The following HSPG2 variants were observed in gnomAD, a reference collection of about 807,000 sequenced individuals.
The protein encoded by HSPG2 is heparan sulfate proteoglycan 2.
Under a neutral mutation model 526.6 loss-of-function variants are expected in HSPG2, and 278 were observed. That is an observed-to-expected ratio of 0.53 (90% confidence interval 0.48 to 0.58). The LOEUF is 0.58. Among genes scored for constraint, HSPG2 ranks in the 20% least tolerant of loss-of-function variants. The probability of loss-of-function intolerance (pLI) is 0.00; values close to 1 mark genes in which losing one functional copy is unlikely to be tolerated. For missense variants in HSPG2, 5,354 were observed against 6,099.5 expected (o/e 0.88, Z 4.07); for synonymous variants, 2,465 against 2,555.4 (o/e 0.96, Z 1.07).
Position 21,904,770 on chromosome 1 carries a change from C to T in HSPG2, c.64-8460G>A, listed in dbSNP as rs865778389. Among the ~76,000 whole-genome samples, 54 of 152,312 alleles carry T rather than the reference C, an allele frequency of 3.5e-4. No homozygotes were observed. Among genetic ancestry groups the T allele is most frequent in the African/African-American group, 1.1e-3 (44 of 41,562 alleles). ...GTCGAACACTATCTGCCAGGCACCA[C>T]GGCTGCCGGCAACACCTGCAGCGTT... On this transcript the variant is annotated intron_variant, in intron 1 of 96. Transcript: ENST00000374695. This position sits in a 1 kb window ranked among gnomAD's most constrained non-coding sequence, Gnocchi z 4.4.
chr1:21,926,173 T>A (rs1373162387), intron 1 of HSPG2, among the ~76,000 whole-genome samples: 1 of 152,168 alleles, frequency 6.6e-6, no homozygotes, highest in African/African-American at 2.4e-5. Flanking sequence ...AATGGAGATA[T>A]AATGCCAACT....
intron 1 of HSPG2, among the ~76,000 whole-genome samples, chr1:21,927,613 G>C (rs1644239567): frequency 6.6e-6 from 1 of 152,088 alleles, no homozygotes; most frequent in Admixed American, 6.5e-5. Flanking sequence ...ACCTCCTGTT[G>C]CTCAGAGCCC....
chr1:21,862,363 C>G (rs550442810), intron 37 of HSPG2, among the ~76,000 whole-genome samples: 1 of 152,178 alleles, frequency 6.6e-6, no homozygotes, highest in South Asian at 2.1e-4. Flanking sequence ...GCGGGTGGAT[C>G]ACCTGAGGTC....
At position 21,897,798 on chromosome 1, in the gene HSPG2, G is replaced by T. The variant is rs772341794; in HGVS notation, c.64-1488C>A. On this transcript the variant is annotated intron_variant, in intron 1 of 96. Coordinates refer to ENST00000374695, the MANE Select transcript of HSPG2 (RefSeq NM_005529.7). The stretch of plus-strand genomic sequence containing the variant: ...GGGGCACAAGAGACACTTCTGGGGT[G>T]ATGGTTCCCTGGGCATACATATCTC... 5.3e-5 allele frequency among the ~76,000 whole-genome samples: 8 copies of T among 152,298 alleles called. No individual in the cohort carries two copies. In the South Asian group the frequency reaches 8.3e-4, roughly 16 times the overall value.
rs1642521598 is a variant in HSPG2 at position 21,893,592 on chromosome 1, G to A, written c.244+2330C>T. Among the ~76,000 whole-genome samples, 1 of 152,088 alleles carries A rather than the reference G, an allele frequency of 6.6e-6. No homozygotes were observed. Among genetic ancestry groups the A allele is most frequent in the African/African-American group, 2.4e-5 (1 of 41,410 alleles). On this transcript the variant is annotated intron_variant, in intron 3 of 96. Transcript: ENST00000374695. The surrounding 1 kb of genome is among the most constrained non-coding windows in gnomAD (Gnocchi z 4.3). Reference sequence around the variant, plus strand: ...GGCCAGGGCCTGGGTCACTTACTGAGAGGGGACTCCTCATCAGGCTCCGAG... The same window carrying A: ...GGCCAGGGCCTGGGTCACTTACTGAAAGGGGACTCCTCATCAGGCTCCGAG...
chr1:21,859,703 T>C lies in HSPG2; in HGVS notation c.5183-27A>G. ...TGGTGGGGAGGAGACAAGAGCTTGT[T>C]GGTGCAGATACACTCTTTCTCACAT... On this transcript the variant is annotated intron_variant, in intron 41 of 96. Coordinates refer to ENST00000374695, the MANE Select transcript of HSPG2 (RefSeq NM_005529.7). The surrounding 1 kb of genome is among the most constrained non-coding windows in gnomAD (Gnocchi z 5.3). 3 of 1,592,478 alleles carry C rather than the reference T, an allele frequency of 1.9e-6. No individual in the cohort carries two copies. Among genetic ancestry groups the C allele is most frequent in the Non-Finnish European group, 2.6e-6 (3 of 1,168,472 alleles).
At position 21,890,288 on chromosome 1, in the gene HSPG2, G is replaced by A. The variant is rs78559266; in HGVS notation, c.413+139C>T. On this transcript the variant is annotated intron_variant, in intron 5 of 96. Coordinates refer to ENST00000374695, the MANE Select transcript of HSPG2 (RefSeq NM_005529.7). This position sits in a 1 kb window ranked among gnomAD's most constrained non-coding sequence, Gnocchi z 4.1. ...CAACTAAAGGTCCCAATGATCCCCC[G>A]ACCAATTCCTGAATTTCCACCCACA... 3.4e-4 allele frequency: 427 copies of A among 1,264,588 alleles called. No individual in the cohort carries two copies. The African/African-American group carries it at 5.3e-3, about 16-fold the overall frequency. 78.3% of individuals were successfully genotyped at this position (1,264,588 alleles called of 1,614,324 possible).
At chr1:21,928,914 CT>C (rs1419018983) in intron 1 of HSPG2, among the ~76,000 whole-genome samples, 5 of 151,998 alleles carry the variant, frequency 3.3e-5, no homozygotes, top group African/African-American at 4.8e-5. Context: ...CCATGCTTAG[CT>C]GATTTTTTTA....
chr1:21,908,636 G>A, intron 1 of HSPG2: 2 of 615,460 alleles, frequency 3.2e-6, no homozygotes, highest in Non-Finnish European at 2.9e-6. Context: ...AAAAGTGTTT[G>A]CTGTGATTAT....
intron 18 of HSPG2, 110 bp downstream of exon 18, chr1:21,878,884 T>C (rs1641296739): frequency 1.4e-6 from 2 of 1,387,428 alleles, no homozygotes; most frequent in Non-Finnish European, 2.0e-6. Context: ...GATAACTTAG[T>C]GATCAGGTAG....
At position 21,850,186 on chromosome 1, in the gene HSPG2, C is replaced by A; in HGVS notation, c.7301G>T (p.Gly2434Val). The A allele has an allele frequency of 6.2e-7, 1 of 1,613,362 alleles. No individual in the cohort carries two copies. The highest frequency in any genetic ancestry group is 8.5e-7 in the Non-Finnish European group (1 of 1,180,050). The stretch of plus-strand genomic sequence containing the variant: ...CTCGATCCGGACCGTGGGGGTGACC[C>A]CAAGTGCTGGGGACAGAGGGCAAAG... The part of the protein sequence containing the change: ...IEPAGSVPAL[G>V]VTPTVRIESS... Residue 2434 changes from glycine to valine, a missense_variant, in exon 57 of 97, where the codon GGG becomes GTG. Physicochemically the swap from Gly to Val is moderately radical, Grantham distance 109 (BLOSUM62 -3). Coordinates refer to ENST00000374695, the MANE Select transcript of HSPG2 (RefSeq NM_005529.7).
chr1:21,887,131 G>GAA lies in HSPG2; in HGVS notation c.1078+83_1078+84insTT. Reference sequence around the variant, plus strand: ...GGGGGAAAGCGGAGGGGCAGGGTAGGGGCGGGGCAGGAGTGGAAGGCGGGG... The same window carrying GAA: ...GGGGGAAAGCGGAGGGGCAGGGTAGGAAGGCGGGGCAGGAGTGGAAGGCGGGG... On this transcript the variant is annotated intron_variant, in intron 9 of 96. Coordinates refer to ENST00000374695, the MANE Select transcript of HSPG2 (RefSeq NM_005529.7). The surrounding 1 kb of genome is among the most constrained non-coding windows in gnomAD (Gnocchi z 5.0). 7.0e-7 allele frequency: 1 copy of GAA among 1,429,942 alleles called. No individual in the cohort carries two copies. The highest frequency in any genetic ancestry group is 9.6e-7 in the Non-Finnish European group (1 of 1,040,996). The allele number at this position is 1,429,942 out of a possible 1,614,324, so 88.6% of individuals were successfully genotyped here.
In HSPG2 at chr1:21,887,310, TTGGGCTCACA is replaced by T; in HGVS notation, c.973_982del (p.Cys325ThrfsTer82). The T allele has an allele frequency of 1.2e-6, 2 of 1,614,038 alleles. No individual in the cohort carries two copies. Among genetic ancestry groups the T allele is most frequent in the Non-Finnish European group, 1.7e-6 (2 of 1,179,948 alleles). Reference sequence around the variant, plus strand: ...ATGTCCATTCCCGCAGGGGAACTCGTTGGGCTCACAGGGTGGCGGGGGGCCTAGGAGACCG... The same window carrying T: ...ATGTCCATTCCCGCAGGGGAACTCGTGGGTGGCGGGGGGCCTAGGAGACCG... On this transcript the variant is annotated frameshift_variant, in exon 9 of 97. Coordinates refer to ENST00000374695, the MANE Select transcript of HSPG2 (RefSeq NM_005529.7). LOFTEE classifies it high-confidence loss of function. The surrounding 1 kb of genome is among the most constrained non-coding windows in gnomAD (Gnocchi z 5.0).
At chr1:21,843,587 G>T (rs2098058580) in intron 65 of HSPG2, 149 bp from the exon 66 acceptor site, 4 of 763,822 alleles carry the variant, frequency 5.2e-6, no homozygotes, top group Non-Finnish European at 6.2e-6. Context: ...ATTGTGGAGG[G>T]CATGTTTATT....
chr1:21,830,103 A>G lies in HSPG2; in HGVS notation c.11672-12T>C. ...GGGCCCACAGGCCTCTGGGGGGCACATAGGCCAGTGAAAAGACACGGAGGT... is the reference window on the plus strand; with the variant it reads ...GGGCCCACAGGCCTCTGGGGGGCACGTAGGCCAGTGAAAAGACACGGAGGT... On this transcript the variant is annotated splice_polypyrimidine_tract_variant and intron_variant, in intron 85 of 96. Coordinates refer to ENST00000374695, the MANE Select transcript of HSPG2 (RefSeq NM_005529.7). The G allele has an allele frequency of 3.2e-6, 5 of 1,582,810 alleles. No individual in the cohort carries two copies. Among genetic ancestry groups the G allele is most frequent in the Non-Finnish European group, 4.3e-6 (5 of 1,165,874 alleles).
rs771878584 is a variant in HSPG2, at chr1:21,849,026, A to T, written c.7452T>A (p.His2484Gln). 4.3e-6 allele frequency: 7 copies of T among 1,613,752 alleles called. No individual in the cohort carries two copies. The African/African-American group carries it at 8.0e-5, about 18-fold the overall frequency. The change falls in exon 58 of 97, where the codon CAT (histidine) becomes CAA (glutamine). Residue 2484 changes from histidine (H) to glutamine (Q), a missense_variant. Physicochemically the swap from His to Gln is conservative, Grantham distance 24. Coordinates refer to ENST00000374695, the MANE Select transcript of HSPG2 (RefSeq NM_005529.7). ...GGSLPARHQV[H>Q]GSRLRLLQVT... ...CCTGGAGCAGGCGTAGCCTCGAGCC[A>T]TGCACCTGGGAGGGTCAGGAGGGAG...
chr1:21,843,052 T>C, intron 66 of HSPG2, 131 bp from the exon 67 acceptor site: 1 of 1,116,676 alleles, frequency 9.0e-7, no homozygotes, highest in Admixed American at 2.1e-5. Context: ...TGATATAACC[T>C]AAGAAGGGTC....
At position 21,823,642 on chromosome 1, in the gene HSPG2, A is replaced by C; in HGVS notation, c.12977T>G (p.Val4326Gly). Residue 4326 changes from valine to glycine, a missense_variant, in exon 96 of 97, where the codon GTC (valine) becomes GGC (glycine). Transcript: ENST00000374695. ...GATGTAGACGCTGCCCTTGGCGTTG[A>C]CTGCCACGTTGGGACCTGGGGACCG... ...SGRSPGPNVA[V>G]NAKGSVYIGG... is the part of the protein sequence containing the mutation. 6.2e-7 allele frequency: 1 copy of C among 1,613,800 alleles called. No individual in the cohort carries two copies. The highest frequency in any genetic ancestry group is 8.5e-7 in the Non-Finnish European group (1 of 1,179,984).
chr1:21,885,340 CG>C lies in HSPG2; in HGVS notation c.1189del (p.Arg397GlyfsTer13). On this transcript the variant is annotated frameshift_variant, in exon 10 of 97. Coordinates refer to ENST00000374695, the MANE Select transcript of HSPG2 (RefSeq NM_005529.7). LOFTEE classifies it high-confidence loss of function. ...HCDEESDCPDRSDEFGCMPPQ... is the reference protein window; with the variant it reads ...HCDEESDCPDXSDEFGCMPPQ... ...CTCACTGCAGCCAAACTCGTCGCTC[CG>C]GTCAGGACAGTCGCTCTCCTCGTCA... The C allele has an allele frequency of 6.2e-7, 1 of 1,614,084 alleles. No homozygotes were observed. Among genetic ancestry groups the C allele is most frequent in the Non-Finnish European group, 8.5e-7 (1 of 1,180,014 alleles).
Sources: gnomAD v4.1 joint callset for allele counts (sites outside exome capture counted in the v4.1 genomes callset) on GRCh38, gnomAD v4.1.1 for gene constraint, Gnocchi (gnomAD v3.1) non-coding constraint, MANE v1.5 for transcripts, NCBI Gene and HGNC (gene_info 2026-07-23, HGNC 2026-07-21) for gene names.